The following ZNF131 variants were observed in gnomAD, a reference collection of about 807,000 sequenced individuals.
The protein encoded by ZNF131 is zinc finger protein 131.
Under a neutral mutation model 60.0 loss-of-function variants are expected in ZNF131, and 7 were observed. The ratio of observed to expected loss-of-function variants is 0.12; its 90% confidence interval spans 0.07 to 0.22. The LOEUF is 0.22. ZNF131 is among the 10% of genes least tolerant of loss of function. ZNF131 has a pLI of 1.00. For synonymous variants in ZNF131, 257 were observed against 253.2 expected, an observed-to-expected ratio of 1.01 and a Z score of -0.14; for missense variants, 493 against 740.9, an observed-to-expected ratio of 0.67 and a Z score of 3.88.
At position 43,161,338 on chromosome 5, in the gene ZNF131, T is replaced by C. The variant is rs1383925776; in HGVS notation, c.461T>C (p.Ile154Thr). 2 of 1,614,252 alleles carry C rather than the reference T, an allele frequency of 1.2e-6. No homozygotes were observed. The highest frequency in any genetic ancestry group is 1.7e-6 in the Non-Finnish European group (2 of 1,180,040). Residue 154 changes from isoleucine (I) to threonine (T), a missense_variant, in exon 5 of 7, where the codon ATC (isoleucine) becomes ACC (threonine). By Grantham distance (89) the Ile-to-Thr change is moderately conservative. Transcript: ENST00000682664. ...AAGATTGCAGAAACTTCAAATGTTA[T>C]CACTGAGTCATTGCCATCTGCAGAA... ...KRKIAETSNV[I>T]TESLPSAESE...
chr5:43,155,236 A>G (rs1393499808), intron 4 of ZNF131, among the ~76,000 whole-genome samples: 1 of 152,148 alleles, frequency 6.6e-6, no homozygotes, highest in Non-Finnish European at 1.5e-5. Context: ...TTGACAAGTG[A>G]CACTTGGTGG....
rs1270287229 is a variant in ZNF131 at position 43,166,690 on chromosome 5, C to G, written c.1054+4759C>G. 5.3e-5 allele frequency among the ~76,000 whole-genome samples: 8 copies of G among 151,774 alleles called. No individual in the cohort carries two copies. The South Asian group carries it at 6.2e-4, about 12-fold the overall frequency. ...CTTTTTTTTGACACGGGGTCTCGCT[C>G]TGTCGCCCAGACTGGAGTGCAGTGG... On this transcript the variant is annotated intron_variant, in intron 5 of 6. Coordinates refer to ENST00000682664, the MANE Select transcript of ZNF131 (RefSeq NM_001330707.2).
intron 2 of ZNF131, among the ~76,000 whole-genome samples, chr5:43,122,999 T>C (rs184628445): frequency 1.6e-3 from 251 of 152,336 alleles, no homozygotes; most frequent in African/African-American, 5.8e-3. Context: ...TAAAGGGGTT[T>C]GAAGTGAAGA....
Position 43,125,931 on chromosome 5 carries a change from AT to A in ZNF131, c.226+2624del, listed in dbSNP as rs200543461. Among the ~76,000 whole-genome samples the A allele has an allele frequency of 7.8e-3, 1,191 of 152,304 alleles. 18 individuals are homozygous for A. The highest frequency in any genetic ancestry group is 0.027 in the African/African-American group (1,140 of 41,564). ...TCTGTGGCACACACAAGTCTTCAGT[AT>A]TTGAATTCTAGATAGATAAGAAAGC... On this transcript the variant is annotated intron_variant, in intron 3 of 6. Transcript: ENST00000682664.
chr5:43,169,052 A>C (rs1750674522), intron 5 of ZNF131, among the ~76,000 whole-genome samples: 2 of 152,242 alleles, frequency 1.3e-5, no homozygotes, highest in African/African-American at 4.8e-5. Context: ...ATGTTTTCAA[A>C]CAATTACTCC....
chr5:43,162,839 A>T (rs2111974145), intron 5 of ZNF131, among the ~76,000 whole-genome samples: 1 of 134,696 alleles, frequency 7.4e-6, no homozygotes. Flanking sequence ...CGGGAGGCAG[A>T]GGTTGCCATG....
chr5:43,163,949 A>C (rs1025147565), intron 5 of ZNF131, among the ~76,000 whole-genome samples: 48 of 152,338 alleles, frequency 3.2e-4, no homozygotes, highest in African/African-American at 1.1e-3. Context: ...CTCACTGTCC[A>C]AACTTACTGT....
At chr5:43,135,642 A>G (rs971885573) in intron 3 of ZNF131, among the ~76,000 whole-genome samples, 5 of 152,098 alleles carry the variant, frequency 3.3e-5, no homozygotes, top group African/African-American at 1.2e-4. Flanking sequence ...AGTCCCAGCT[A>G]TTCGGGAGGC....
At chr5:43,163,496 A>G (rs911304912) in intron 5 of ZNF131, among the ~76,000 whole-genome samples, 4 of 152,182 alleles carry the variant, frequency 2.6e-5, no homozygotes, top group Non-Finnish European at 2.9e-5. Context: ...CTCGCCCCAC[A>G]TAGTTCTTCA....
intron 3 of ZNF131, among the ~76,000 whole-genome samples, chr5:43,130,463 C>T (rs1745197429): frequency 6.6e-6 from 1 of 152,098 alleles, no homozygotes; most frequent in Non-Finnish European, 1.5e-5. Context: ...CTTCTCCTAA[C>T]TTCAAAATTA....
At chr5:43,135,855 C>A (rs521649) in intron 3 of ZNF131, among the ~76,000 whole-genome samples, 1 of 152,050 alleles carries the variant, frequency 6.6e-6, no homozygotes, top group Non-Finnish European at 1.5e-5. Context: ...CAGTGGCTCA[C>A]GCCTATAGTC....
chr5:43,144,253 T>G (rs1308876097), intron 4 of ZNF131, among the ~76,000 whole-genome samples: 3 of 127,724 alleles, frequency 2.3e-5, no homozygotes, highest in Non-Finnish European at 5.0e-5. Context: ...TTTTTTTTTT[T>G]TTTTTTTTTT....
At position 43,144,527 on chromosome 5, in the gene ZNF131, G is replaced by T. The variant is rs572218748; in HGVS notation, c.371+5218G>T. ...TGACAGGCATGAGCCATCACGTCCAGTCTGTCAGAGCTTTTTAAAGCCCCC... is the reference window on the plus strand; with the variant it reads ...TGACAGGCATGAGCCATCACGTCCATTCTGTCAGAGCTTTTTAAAGCCCCC... On this transcript the variant is annotated intron_variant, in intron 4 of 6. Transcript: ENST00000682664. Among the ~76,000 whole-genome samples the T allele has an allele frequency of 5.9e-5, 9 of 152,234 alleles. No homozygotes were observed. In the South Asian group the frequency reaches 1.2e-3, roughly 21 times the overall value.
intron 5 of ZNF131, chr5:43,167,812 T>C: frequency 3.1e-6 from 1 of 323,770 alleles, no homozygotes; most frequent in Non-Finnish European, 6.2e-6. Flanking sequence ...TGGGAATGCC[T>C]GCCTGGGTTG....
chr5:43,141,086 A>G (rs1365096052), intron 4 of ZNF131, among the ~76,000 whole-genome samples: 1 of 152,170 alleles, frequency 6.6e-6, no homozygotes, highest in Non-Finnish European at 1.5e-5. Context: ...GTACTCGTCC[A>G]TAAATATCAT....
chr5:43,127,748 G>A (rs563452346), intron 3 of ZNF131, among the ~76,000 whole-genome samples: 2 of 152,268 alleles, frequency 1.3e-5, no homozygotes, highest in South Asian at 2.1e-4. Flanking sequence ...GAAGCTAATT[G>A]GATCCCAGCT....
At chr5:43,154,515 C>T (rs115852271) in intron 4 of ZNF131, among the ~76,000 whole-genome samples, 182 of 152,206 alleles carry the variant, frequency 1.2e-3, no homozygotes, top group Middle Eastern at 3.4e-3. Context: ...AAGGAACAGT[C>T]GGAGACAATG....
chr5:43,162,075 G>A (rs903655804), intron 5 of ZNF131, 144 bp downstream of exon 5: 4 of 742,364 alleles, frequency 5.4e-6, no homozygotes, highest in Non-Finnish European at 8.3e-6. Flanking sequence ...CGTTTTTATA[G>A]TATTACCTGT....
At chr5:43,171,632 A>AT (rs1462155017) in intron 5 of ZNF131, among the ~76,000 whole-genome samples, 5 of 151,686 alleles carry the variant, frequency 3.3e-5, no homozygotes, top group South Asian at 2.1e-4. Context: ...TTATTTATTT[A>AT]TTTTTTTTGA....
Sources: allele counts gnomAD v4.1 joint callset (sites outside exome capture counted in the v4.1 genomes callset), GRCh38; gene constraint gnomAD v4.1.1; transcripts MANE v1.5; gene names NCBI Gene and HGNC (gene_info 2026-07-23, HGNC 2026-07-21).